TRANK1: variants seen among roughly 807,000 people sequenced by gnomAD.
TRANK1 encodes the protein TPR and ankyrin repeat-containing protein 1.
In TRANK1, 198 loss-of-function variants were observed where a neutral mutation model predicts 266.0. That is an observed-to-expected ratio of 0.74 (90% confidence interval 0.66 to 0.84). The LOEUF (loss-of-function observed/expected upper bound fraction) is 0.84, where lower values mean the gene tolerates loss of function less well. Among genes scored for constraint, TRANK1 ranks in the 40% least tolerant of loss-of-function variants. TRANK1 has a pLI of 0.00. For synonymous variants in TRANK1, 1,396 were observed against 1,384.1 expected, an observed-to-expected ratio of 1.01 and a Z score of -0.19; for missense variants, 3,326 against 3,634.6, an observed-to-expected ratio of 0.92 and a Z score of 2.18.
At chr3:36,928,739 A>G (rs2080322479) in intron 1 of TRANK1, among the ~76,000 whole-genome samples, 1 of 152,200 alleles carries the variant, frequency 6.6e-6, no homozygotes, top group African/African-American at 2.4e-5. Context: ...CTTACAAAAT[A>G]TGAACTAATG....
intron 10 of TRANK1, 103 bp downstream of exon 10, chr3:36,864,216 A>T (rs1340901866): frequency 4.0e-6 from 5 of 1,265,320 alleles, no homozygotes; most frequent in Non-Finnish European, 5.2e-6. Flanking sequence ...ATGTAGATAC[A>T]TTATTTTTAT....
intron 17 of TRANK1, 117 bp downstream of exon 17, chr3:36,846,131 A>G: frequency 9.0e-7 from 1 of 1,108,640 alleles, no homozygotes; most frequent in Non-Finnish European, 1.3e-6. Flanking sequence ...TTCTCAGAAG[A>G]TTGTGGAAAA....
chr3:36,846,425 AAAG>A lies in TRANK1; in HGVS notation c.5035-24_5035-22del, dbSNP rs751708667. 14 of 1,599,692 alleles carry A rather than the reference AAAG, an allele frequency of 8.8e-6. No individual in the cohort carries two copies. In the South Asian group the frequency reaches 1.3e-4, roughly 15 times the overall value. On this transcript the variant is annotated intron_variant, in intron 16 of 23. Transcript: ENST00000645898. ...AGGAGCTAAAGATAACATTGAGGAC[AAAG>A]ATGATGAGCCATTTGTCTATAGCTA... is the stretch of plus-strand genomic sequence containing the variant.
At chr3:36,935,928 A>G (rs1167767873) in intron 1 of TRANK1, among the ~76,000 whole-genome samples, 1 of 152,214 alleles carries the variant, frequency 6.6e-6, no homozygotes, top group African/African-American at 2.4e-5. Flanking sequence ...AATTCAAACT[A>G]GATTATTTCA....
chr3:36,858,107 G>T, intron 12 of TRANK1, 58 bp from the exon 13 acceptor site: 1 of 1,373,384 alleles, frequency 7.3e-7, no homozygotes, highest in South Asian at 1.5e-5. Flanking sequence ...GGGGACAGCA[G>T]ACCCTGGGGT....
At chr3:36,878,092 G>T (rs1354713935) in intron 8 of TRANK1, among the ~76,000 whole-genome samples, 1 of 152,170 alleles carries the variant, frequency 6.6e-6, no homozygotes, top group African/African-American at 2.4e-5. Flanking sequence ...AGTAGGAGGT[G>T]TGCAGAGGAC....
At chr3:36,924,927 G>A (rs887691413) in intron 1 of TRANK1, among the ~76,000 whole-genome samples, 2 of 152,168 alleles carry the variant, frequency 1.3e-5, no homozygotes, top group Non-Finnish European at 2.9e-5. Context: ...GCTAAAAACA[G>A]CTCACCTTAA....
chr3:36,915,991 G>C (rs2080118402), intron 1 of TRANK1, among the ~76,000 whole-genome samples: 1 of 152,182 alleles, frequency 6.6e-6, no homozygotes, highest in Non-Finnish European at 1.5e-5. Flanking sequence ...GATCTTGAAG[G>C]CCATCAGAGG....
chr3:36,887,065 C>A (rs989018821), intron 8 of TRANK1, among the ~76,000 whole-genome samples: 3 of 151,974 alleles, frequency 2.0e-5, no homozygotes, highest in Non-Finnish European at 4.4e-5. Context: ...TGCTACTATG[C>A]CACATGGATG....
At chr3:36,869,487 C>A (rs1457635056) in intron 9 of TRANK1, among the ~76,000 whole-genome samples, 1 of 152,206 alleles carries the variant, frequency 6.6e-6, no homozygotes, top group Non-Finnish European at 1.5e-5. Context: ...TGCTCAGGAC[C>A]ATAGATGCAA....
At chr3:36,907,626 G>GT (rs2079991452) in intron 2 of TRANK1, among the ~76,000 whole-genome samples, 1 of 150,832 alleles carries the variant, frequency 6.6e-6, no homozygotes, top group Non-Finnish European at 1.5e-5. Flanking sequence ...CACCACACCC[G>GT]GCTAATCTGT....
In TRANK1 at chr3:36,934,049, C is replaced by T. The variant is rs571161018; in HGVS notation, c.23+10738G>A. 9.7e-4 allele frequency among the ~76,000 whole-genome samples: 148 copies of T among 152,360 alleles called. 2 individuals carry two copies. Among genetic ancestry groups the T allele is most frequent in the Middle Eastern group, 6.8e-3 (2 of 294 alleles). On this transcript the variant is annotated intron_variant, in intron 1 of 23. Transcript: ENST00000645898. ...TGGAGGGCAATGTCACCATGGTAGG[C>T]ATGCTCTAGATGGCTGCTCAGCTCA...
chr3:36,907,402 G>A lies in TRANK1; in HGVS notation c.155+921C>T, dbSNP rs559458179. Among the ~76,000 whole-genome samples, 9 of 151,510 alleles carry A rather than the reference G, an allele frequency of 5.9e-5. 1 individual carries two copies. The South Asian group carries it at 1.5e-3, about 25-fold the overall frequency. On this transcript the variant is annotated intron_variant, in intron 2 of 23. Transcript: ENST00000645898. ...TGAAGTCAGGTGATCTGACCGCCTCGGCCTCCCAAAGTGCTGGGATTACAG... is the reference window on the plus strand; with the variant it reads ...TGAAGTCAGGTGATCTGACCGCCTCAGCCTCCCAAAGTGCTGGGATTACAG...
intron 1 of TRANK1, among the ~76,000 whole-genome samples, chr3:36,933,987 G>GGCACTTGC (rs2080392109): frequency 6.6e-6 from 1 of 152,166 alleles, no homozygotes; most frequent in African/African-American, 2.4e-5. Flanking sequence ...TAGGAAACAG[G>GGCACTTGC]GCACTTGCTC....
Position 36,918,572 on chromosome 3 carries a change from A to T in TRANK1, c.24-10118T>A, listed in dbSNP as rs1450138365. 1.8e-4 allele frequency among the ~76,000 whole-genome samples: 16 copies of T among 88,676 alleles called. 1 individual carries two copies. The highest frequency in any genetic ancestry group is 1.3e-3 in the South Asian group (3 of 2,350). 58.2% of individuals were successfully genotyped at this position (88,676 alleles called of 152,430 possible). On this transcript the variant is annotated intron_variant, in intron 1 of 23. Coordinates refer to ENST00000645898, the MANE Select transcript of TRANK1 (RefSeq NM_001329998.2). ...GAAGGAAGGAAGGAAGGTAGGAAGG[A>T]AGGAAGGAAGGAAGGAAGGAAGGAA... is the stretch of plus-strand genomic sequence containing the variant.
intron 1 of TRANK1, among the ~76,000 whole-genome samples, chr3:36,942,162 G>A (rs1366392757): frequency 6.6e-6 from 1 of 152,150 alleles, no homozygotes; most frequent in Non-Finnish European, 1.5e-5. Context: ...ATGGGTCTTT[G>A]GTAGTAACTT....
In TRANK1 at chr3:36,833,781, T is replaced by C. The variant is rs1221950396; in HGVS notation, c.5802A>G (p.Leu1934=). 2 of 1,614,034 alleles carry C rather than the reference T, an allele frequency of 1.2e-6. No homozygotes were observed. ...AGAACACCAGCTGGTCTTCTATGTC[T>C]AGCTTTGAGAGGACAGCCATCATTT... ...MKEMMAVLSK[L]DIEDQLVFLK... The change falls in exon 22 of 24, where the codon CTA becomes CTG. Residue 1934 remains leucine (L), a synonymous_variant. Coordinates refer to ENST00000645898, the MANE Select transcript of TRANK1 (RefSeq NM_001329998.2).
At chr3:36,943,789 C>A (rs2080531202) in intron 1 of TRANK1, among the ~76,000 whole-genome samples, 1 of 152,122 alleles carries the variant, frequency 6.6e-6, no homozygotes, top group South Asian at 2.1e-4. Flanking sequence ...CTATTCCTTC[C>A]CGCATAAGGA....
intron 9 of TRANK1, among the ~76,000 whole-genome samples, chr3:36,865,012 T>G (rs1429922991): frequency 1.4e-5 from 2 of 147,430 alleles, no homozygotes; most frequent in Non-Finnish European, 3.0e-5. Flanking sequence ...TGGGGGTTTT[T>G]TTGTTTTTTT....
Sources: gnomAD v4.1 joint callset for allele counts (sites outside exome capture counted in the v4.1 genomes callset) on GRCh38, gnomAD v4.1.1 for gene constraint, MANE v1.5 for transcripts, NCBI Gene and HGNC (gene_info 2026-07-23, HGNC 2026-07-21) for gene names.